Variants in GRIA2 observed in about 807,000 individuals in gnomAD.
GRIA2 encodes glutamate receptor 2.
Under a neutral mutation model 97.3 loss-of-function variants are expected in GRIA2, and 14 were observed. The observed-to-expected ratio is 0.14, with a 90% CI of 0.10 to 0.23. The LOEUF (loss-of-function observed/expected upper bound fraction) is 0.23. Ranked by LOEUF, GRIA2 falls within the 10% of genes least tolerant of loss-of-function variation. GRIA2 has a pLI of 1.00. For synonymous variants in GRIA2, 412 were observed against 387.8 expected (o/e 1.06, Z -0.73); for missense variants, 558 against 1,069.8 (o/e 0.52, Z 6.67).
chr4:157,360,167 T>C, intron 13 of GRIA2, 24 bp downstream of exon 13: 1 of 1,607,784 alleles, frequency 6.2e-7, no homozygotes, highest in Non-Finnish European at 8.5e-7. Context: ...TATAACAATA[T>C]GCTAAATGTT....
intron 2 of GRIA2, among the ~76,000 whole-genome samples, chr4:157,278,788 T>C: frequency 8.8e-6 from 1 of 113,770 alleles, no homozygotes; most frequent in Non-Finnish European, 1.7e-5. Context: ...ATGAATAACC[T>C]GAATAAAAAA....
intron 2 of GRIA2, 96 bp from the exon 3 acceptor site, chr4:157,303,456 G>C (rs773540224): frequency 1.0e-6 from 1 of 956,324 alleles, no homozygotes; most frequent in Non-Finnish European, 1.6e-6. Flanking sequence ...TGTTAATTTT[G>C]TATTTTATGT....
intron 2 of GRIA2, among the ~76,000 whole-genome samples, chr4:157,264,102 T>TA (rs1353167471): frequency 1.3e-5 from 2 of 152,152 alleles, no homozygotes; most frequent in Non-Finnish European, 2.9e-5. Flanking sequence ...TATCATGTGT[T>TA]AAACTTTGAA....
chr4:157,220,754 G>T lies in GRIA2; in HGVS notation c.-289G>T. The T allele has an allele frequency of 2.0e-6, 1 of 491,916 alleles. No individual in the cohort carries two copies. Among genetic ancestry groups the T allele is most frequent in the South Asian group, 2.2e-5 (1 of 45,336 alleles). The allele number at this position is 491,916 out of a possible 1,614,324, so 30.5% of individuals were successfully genotyped here. On this transcript the variant is annotated 5_prime_UTR_variant, in exon 1 of 16. Transcript: ENST00000264426. ...AGTGTGTGTGAGTGCATGGGAGGGT[G>T]CTGAATATTCCGAGACACTGGGACC...
At chr4:157,342,290 G>A (rs1291607869) in intron 12 of GRIA2, 1 of 981,156 alleles carries the variant, frequency 1.0e-6, no homozygotes, top group East Asian at 1.1e-4. Flanking sequence ...ACCTTCAAAT[G>A]GCCATCAAAA....
chr4:157,325,686 G>A (rs1214200823), intron 6 of GRIA2, among the ~76,000 whole-genome samples: 2 of 152,118 alleles, frequency 1.3e-5, no homozygotes, highest in African/African-American at 2.4e-5. Flanking sequence ...TGGCAACTAC[G>A]TCTTTCAGTT....
Position 157,226,474 on chromosome 4 carries a change from C to T in GRIA2, c.229+4667C>T, listed in dbSNP as rs146289696. On this transcript the variant is annotated intron_variant, in intron 2 of 15. Coordinates refer to ENST00000264426, the MANE Select transcript of GRIA2 (RefSeq NM_001083619.3). ...ACTGTTAGAATAGATTGTAAATGCT[C>T]TTAGAGGAGAGAGAATTCTAAAATT... 1.6e-4 allele frequency among the ~76,000 whole-genome samples: 24 copies of T among 152,070 alleles called. No individual in the cohort carries two copies. In the East Asian group the frequency reaches 4.4e-3, roughly 28 times the overall value.
At chr4:157,306,963 A>G (rs999701510) in intron 3 of GRIA2, among the ~76,000 whole-genome samples, 1 of 152,122 alleles carries the variant, frequency 6.6e-6, no homozygotes, top group African/African-American at 2.4e-5. Flanking sequence ...TCATCACTCT[A>G]CTTAGATCTC....
At chr4:157,314,591 A>G (rs999467979) in intron 4 of GRIA2, among the ~76,000 whole-genome samples, 6 of 152,182 alleles carry the variant, frequency 3.9e-5, no homozygotes, top group South Asian at 2.1e-4. Context: ...AATATTCATT[A>G]GTCTTTGGTT....
At chr4:157,360,583 T>C (rs576753477) in intron 13 of GRIA2, 2 of 408,588 alleles carry the variant, frequency 4.9e-6, no homozygotes, top group Non-Finnish European at 9.5e-6. Flanking sequence ...TTAATTTTCA[T>C]TTTAATTTTT....
intron 2 of GRIA2, among the ~76,000 whole-genome samples, chr4:157,257,871 A>C (rs1190541841): frequency 6.6e-6 from 1 of 152,154 alleles, no homozygotes; most frequent in Non-Finnish European, 1.5e-5. Context: ...GCAGAAGAAC[A>C]TAAATTGTGA....
chr4:157,276,587 C>A (rs1732324992), intron 2 of GRIA2, among the ~76,000 whole-genome samples: 1 of 150,916 alleles, frequency 6.6e-6, no homozygotes. Flanking sequence ...ATCAATGAAA[C>A]CAAAAGGTGT....
intron 4 of GRIA2, among the ~76,000 whole-genome samples, chr4:157,314,787 A>G (rs1410277668): frequency 3.3e-5 from 5 of 152,178 alleles, no homozygotes; most frequent in African/African-American, 7.2e-5. Flanking sequence ...TTGCACATAT[A>G]TATTATAAGT....
intron 2 of GRIA2, among the ~76,000 whole-genome samples, chr4:157,250,688 A>C (rs1193122688): frequency 6.6e-6 from 1 of 152,138 alleles, no homozygotes; most frequent in Admixed American, 6.6e-5. Flanking sequence ...CCACAATTAA[A>C]TCAAGAAGGC....
intron 2 of GRIA2, among the ~76,000 whole-genome samples, chr4:157,256,941 G>C (rs1379343729): frequency 6.6e-6 from 1 of 151,876 alleles, no homozygotes; most frequent in East Asian, 1.9e-4. Context: ...CTGTAAAATA[G>C]GATTAAATTA....
chr4:157,316,551 G>T (rs1462135399), intron 4 of GRIA2, among the ~76,000 whole-genome samples: 1 of 152,022 alleles, frequency 6.6e-6, no homozygotes, highest in African/African-American at 2.4e-5. Flanking sequence ...GGATATAGTG[G>T]TGGAGCTTTC....
chr4:157,304,635 C>T (rs527857863), intron 3 of GRIA2, among the ~76,000 whole-genome samples: 1 of 152,086 alleles, frequency 6.6e-6, no homozygotes, highest in Non-Finnish European at 1.5e-5. Flanking sequence ...AAATCAAAGT[C>T]AAAGCGGTGA....
At chr4:157,320,963 G>C (rs1052959864) in intron 5 of GRIA2, among the ~76,000 whole-genome samples, 8 of 152,036 alleles carry the variant, frequency 5.3e-5, no homozygotes, top group East Asian at 1.9e-4. Context: ...ATAATGACTG[G>C]ACATTTAGTA....
chr4:157,312,926 A>T, intron 4 of GRIA2, 51 bp downstream of exon 4: 1 of 1,085,384 alleles, frequency 9.2e-7, no homozygotes. Context: ...TATGCATGCA[A>T]TGTCAGCATT....
Sources: allele counts gnomAD v4.1 joint callset (sites outside exome capture counted in the v4.1 genomes callset), GRCh38; gene constraint gnomAD v4.1.1; transcripts MANE v1.5; gene names NCBI Gene and HGNC (gene_info 2026-07-23, HGNC 2026-07-21).